The following HDC variants were observed in gnomAD, a reference collection of about 807,000 sequenced individuals.
The protein encoded by HDC is histidine decarboxylase.
In HDC, 27 loss-of-function variants were observed where a neutral mutation model predicts 64.4. That is an observed-to-expected ratio of 0.42 (90% CI 0.31 to 0.58). The LOEUF (loss-of-function observed/expected upper bound fraction) is 0.58. Among genes scored for constraint, HDC ranks in the 20% least tolerant of loss-of-function variants. The probability of loss-of-function intolerance (pLI) is 0.16; values close to 1 mark genes in which losing one functional copy is unlikely to be tolerated. For missense variants in HDC, 711 were observed against 833.9 expected (o/e 0.85, Z 1.81); for synonymous variants, 305 against 314.2 (o/e 0.97, Z 0.31).
Position 50,248,108 on chromosome 15 carries a change from AG to A in HDC, c.1140+136del. 1 of 700,070 alleles carries A rather than the reference AG, an allele frequency of 1.4e-6. No homozygotes were observed. Among genetic ancestry groups the A allele is most frequent in the Non-Finnish European group, 2.6e-6 (1 of 382,566 alleles). The allele number at this position is 700,070 out of a possible 1,614,324, so 43.4% of individuals were successfully genotyped here. On this transcript the variant is annotated intron_variant, in intron 10 of 11. Transcript: ENST00000267845. This position sits in a 1 kb window ranked among gnomAD's most constrained non-coding sequence, Gnocchi z 4.3. The stretch of plus-strand genomic sequence containing the variant: ...TTAACAAAGAGAATCAAGTCCCAGG[AG>A]CTGAGGAACAGGCCCAGACACCTGA...
At chr15:50,249,121 C>A (rs913606793) in intron 9 of HDC, among the ~76,000 whole-genome samples, 4 of 152,184 alleles carry the variant, frequency 2.6e-5, no homozygotes, top group African/African-American at 9.7e-5. Flanking sequence ...CAAATGAGCA[C>A]CCAAATTTCT....
chr15:50,255,822 A>C (rs2045622751), intron 4 of HDC, among the ~76,000 whole-genome samples: 1 of 152,014 alleles, frequency 6.6e-6, no homozygotes. Context: ...TAATGGTAAC[A>C]ACACCTTCCA....
Position 50,243,202 on chromosome 15 carries a change from C to T in HDC, c.1183G>A (p.Asp395Asn), listed in dbSNP as rs368925670. The change falls in exon 11 of 12, where the codon GAC (aspartate) becomes AAC (asparagine). Residue 395 changes from aspartate (D) to asparagine (N), a missense_variant. Asp to Asn is a conservative substitution (Grantham distance 23). This residue lies in a region of HDC where 483 missense variants were observed against 540.9 expected (regional missense o/e 0.89). Coordinates refer to ENST00000267845, the MANE Select transcript of HDC (RefSeq NM_002112.4). ...TTGGCAGGAATTTCAAAGGAAGGGT[C>T]GTTTCTGACCAGAGATTCAAAATAT... ...AKYFESLVRN[D>N]PSFEIPAKRH... 1.6e-5 allele frequency: 26 copies of T among 1,613,734 alleles called. No individual in the cohort carries two copies. The highest frequency in any genetic ancestry group is 3.3e-5 in the Admixed American group (2 of 60,004).
chr15:50,253,892 C>A, intron 6 of HDC: 1 of 639,852 alleles, frequency 1.6e-6, no homozygotes, highest in Non-Finnish European at 2.8e-6. Flanking sequence ...ACAATACATA[C>A]TCTGGCTATA....
chr15:50,259,598 TC>T (rs980096802), intron 2 of HDC, among the ~76,000 whole-genome samples: 3 of 152,186 alleles, frequency 2.0e-5, no homozygotes, highest in African/African-American at 7.2e-5. Context: ...CAATGCTGTG[TC>T]CCCTGATAGA....
rs765487279 is a variant in HDC, at chr15:50,242,617, G to A, written c.1632C>T (p.Thr544=). The A allele has an allele frequency of 6.2e-7, 1 of 1,614,172 alleles. No homozygotes were observed. The highest frequency in any genetic ancestry group is 1.7e-5 in the Admixed American group (1 of 60,022). ...MKRENGLHLE[T]LLDPVDDCFS... The stretch of plus-strand genomic sequence containing the variant: ...AGCAGTCATCAACTGGGTCCAGCAG[G>A]GTTTCAAGATGGAGGCCATTTTCCC... The change falls in exon 12 of 12, where the codon ACC becomes ACT. Residue 544 remains threonine, a synonymous_variant. Transcript: ENST00000267845.
Position 50,242,734 on chromosome 15 carries a change from G to A in HDC, c.1515C>T (p.Ser505=), listed in dbSNP as rs1330425216. The change falls in exon 12 of 12, where the codon TCC becomes TCT. Residue 505 remains serine, a synonymous_variant. Coordinates refer to ENST00000267845, the MANE Select transcript of HDC (RefSeq NM_002112.4). ...CTCCTGCCCCACTGACAGACTGAAG[G>A]GACGTTCCACAGGCCCAGGCTCTGG... ...RGARAWACGT[S]LQSVSGAGDD... is the part of the protein sequence containing the mutation. The A allele has an allele frequency of 1.9e-6, 3 of 1,613,930 alleles. No individual in the cohort carries two copies. Among genetic ancestry groups the A allele is most frequent in the Admixed American group, 3.3e-5 (2 of 59,988 alleles).
chr15:50,262,129 G>A (rs2045712380), intron 2 of HDC, among the ~76,000 whole-genome samples: 1 of 152,100 alleles, frequency 6.6e-6, no homozygotes, highest in Admixed American at 6.5e-5. Flanking sequence ...CAGGGAGAGG[G>A]AAGACACAGC....
intron 7 of HDC, chr15:50,253,355 CTACTGTCGCCTCCT>C: frequency 1.7e-6 from 1 of 573,038 alleles, no homozygotes. Flanking sequence ...GAAGGCTCTC[CTACTGTCGCCTCCT>C]AGGACAGGAG....
In HDC at chr15:50,254,130, A is replaced by G; in HGVS notation, c.720T>C (p.Phe240=). 1 of 1,614,182 alleles carries G rather than the reference A, an allele frequency of 6.2e-7. No individual in the cohort carries two copies. Among genetic ancestry groups the G allele is most frequent in the Non-Finnish European group, 8.5e-7 (1 of 1,180,026 alleles). ...EDKQRGLVPV[F]VCATLGTTGV... is the part of the protein sequence containing the mutation. ...AGCTTAGGCATATATCCTGACTTAC[A>G]AAGACGGGCACCAAGCCCCGCTGCT... Residue 240 remains phenylalanine (F), a splice_region_variant and synonymous_variant, in exon 6 of 12, where the codon TTT becomes TTC. Transcript: ENST00000267845.
In HDC at chr15:50,241,999, A is replaced by T; in HGVS notation, c.*261T>A. On this transcript the variant is annotated 3_prime_UTR_variant, in exon 12 of 12. Coordinates refer to ENST00000267845, the MANE Select transcript of HDC (RefSeq NM_002112.4). ...TTTCTGTGTTATATATCATGTCACAAGCTGAACCACAGAAGCTGCCTGTCT... is the reference window on the plus strand; with the variant it reads ...TTTCTGTGTTATATATCATGTCACATGCTGAACCACAGAAGCTGCCTGTCT... 1.8e-6 allele frequency: 1 copy of T among 570,562 alleles called. No homozygotes were observed. The highest frequency in any genetic ancestry group is 2.2e-5 in the South Asian group (1 of 46,192). 35.3% of individuals were successfully genotyped at this position (570,562 alleles called of 1,614,324 possible). A position where few individuals can be genotyped will look rare whatever the true frequency, so the allele number is the denominator to read the frequency against.
chr15:50,259,187 G>C (rs2045671712), intron 2 of HDC, among the ~76,000 whole-genome samples: 1 of 151,926 alleles, frequency 6.6e-6, no homozygotes, highest in Non-Finnish European at 1.5e-5. Flanking sequence ...AGGGCAGACT[G>C]TGAGCTCCAG....
At chr15:50,253,220 C>A in intron 7 of HDC, 1 of 380,174 alleles carries the variant, frequency 2.6e-6, no homozygotes, top group Admixed American at 3.9e-5. Context: ...TTTCCCCTAC[C>A]CTACCCTTTT....
chr15:50,247,062 C>T lies in HDC; in HGVS notation c.1140+1183G>A, dbSNP rs116849816. 1.1e-4 allele frequency among the ~76,000 whole-genome samples: 16 copies of T among 152,192 alleles called. No homozygotes were observed. The East Asian group carries it at 1.9e-3, about 18-fold the overall frequency. On this transcript the variant is annotated intron_variant, in intron 10 of 11. Coordinates refer to ENST00000267845, the MANE Select transcript of HDC (RefSeq NM_002112.4). Reference sequence around the variant, plus strand: ...AGTAAGCAAACTGAGCTCGTGGAGACGCACAGTAGAATGATGGTTGGCAGA... The same window carrying T: ...AGTAAGCAAACTGAGCTCGTGGAGATGCACAGTAGAATGATGGTTGGCAGA...
intron 9 of HDC, among the ~76,000 whole-genome samples, chr15:50,251,841 A>AAAAG (rs535844039): frequency 0.013 from 1,978 of 151,598 alleles, 42 homozygotes; most frequent in African/African-American, 0.044. Context: ...CAGAAAAAAA[A>AAAAG]AAAGAAAGAA....
intron 4 of HDC, among the ~76,000 whole-genome samples, chr15:50,255,388 C>G (rs1388646521): frequency 1.3e-5 from 2 of 152,110 alleles, no homozygotes; most frequent in African/African-American, 4.8e-5. Context: ...CTGATAGAAT[C>G]CTGCTAAAAA....
At chr15:50,245,976 A>T (rs1012800836) in intron 10 of HDC, among the ~76,000 whole-genome samples, 3 of 152,256 alleles carry the variant, frequency 2.0e-5, no homozygotes, top group African/African-American at 7.2e-5. Flanking sequence ...AGTAAAGGGT[A>T]GAACTAAAAA....
In HDC at chr15:50,252,492, TCTG is replaced by T. The variant is rs757033813; in HGVS notation, c.976_978del (p.Gln326del). The T allele has an allele frequency of 6.2e-7, 1 of 1,614,144 alleles. No individual in the cohort carries two copies. Among genetic ancestry groups the T allele is most frequent in the Admixed American group, 1.7e-5 (1 of 60,026 alleles). On this transcript the variant is annotated inframe_deletion, in exon 9 of 12. Transcript: ENST00000267845. Reference sequence around the variant, plus strand: ...AGGTAGATGGGATTCACACTGAAGGTCTGCTGCAGCTTGTACTTGTCCTTGACC... The same window carrying T: ...AGGTAGATGGGATTCACACTGAAGGTCTGCAGCTTGTACTTGTCCTTGACC...
At chr15:50,264,591 A>G (rs751863254) in intron 1 of HDC, among the ~76,000 whole-genome samples, 1 of 151,914 alleles carries the variant, frequency 6.6e-6, no homozygotes. Flanking sequence ...CTGTGTGTGC[A>G]TGTGTGTGTG....
Sources: gnomAD v4.1 joint callset for allele counts (sites outside exome capture counted in the v4.1 genomes callset) on GRCh38, gnomAD v4.1.1 for gene constraint, gnomAD v4.1.1 regional missense constraint, Gnocchi (gnomAD v3.1) non-coding constraint, MANE v1.5 for transcripts, NCBI Gene and HGNC (gene_info 2026-07-23, HGNC 2026-07-21) for gene names.